The following RPAP1 variants were observed in gnomAD, a reference collection of about 807,000 sequenced individuals.
The protein encoded by RPAP1 is RNA polymerase II-associated protein 1.
Under a neutral mutation model 142.4 loss-of-function variants are expected in RPAP1, and 109 were observed. That is an observed-to-expected ratio of 0.77 (90% CI 0.66 to 0.90). The LOEUF is 0.90. RPAP1 is among the 40% of genes least tolerant of loss of function. The pLI, the probability that RPAP1 is intolerant of heterozygous loss-of-function variation, is 0.00. For synonymous variants in RPAP1, 704 were observed against 738.9 expected, an observed-to-expected ratio of 0.95 and a Z score of 0.77; for missense variants, 1,546 against 1,751.7, an observed-to-expected ratio of 0.88 and a Z score of 2.10.
rs751007382 is a variant in RPAP1, at chr15:41,535,428, G to A, written c.541+84C>T. 3.3e-6 allele frequency: 5 copies of A among 1,497,686 alleles called. No homozygotes were observed. In the East Asian group the frequency reaches 1.2e-4, roughly 35 times the overall value. 92.8% of individuals were successfully genotyped at this position (1,497,686 alleles called of 1,614,324 possible). ...TGGCTCAAATGCACCTCTCATTTGA[G>A]GCAGGAAGACATATCTTCAAAAATG... On this transcript the variant is annotated intron_variant, in intron 5 of 24. Transcript: ENST00000304330.
At chr15:41,521,942 G>A in intron 20 of RPAP1, 62 bp from the exon 21 acceptor site, 1 of 1,587,628 alleles carries the variant, frequency 6.3e-7, no homozygotes, top group Non-Finnish European at 8.6e-7. Context: ...AGAGAGAAGT[G>A]AGGAAGAGGA....
rs1166473885 is a variant in RPAP1 at position 41,536,634 on chromosome 15, G to A, written c.197C>T (p.Pro66Leu). 6.2e-7 allele frequency: 1 copy of A among 1,613,682 alleles called. No homozygotes were observed. The highest frequency in any genetic ancestry group is 1.3e-5 in the African/African-American group (1 of 74,894). The part of the protein sequence containing the change: ...VVMLDNLPDL[P>L]PALVPSPPKR... ...TGGAGGAGAAGGGACCAAAGCTGGG[G>A]GCAAATCTGGGAGATCTGAGAAAGA... Residue 66 changes from proline (P) to leucine (L), a missense_variant, in exon 3 of 25, where the codon CCC becomes CTC. By Grantham distance (98) the Pro-to-Leu change is moderately conservative (BLOSUM62 -3). Transcript: ENST00000304330.
chr15:41,521,597 T>G lies in RPAP1; in HGVS notation c.3038+141A>C, dbSNP rs1378949510. On this transcript the variant is annotated intron_variant, in intron 21 of 24. Transcript: ENST00000304330. ...CCTGATCCTCACTTCACTAATGAGGTAATGGAAGCTCGGAAGAGTTAAGTG... is the reference window on the plus strand; with the variant it reads ...CCTGATCCTCACTTCACTAATGAGGGAATGGAAGCTCGGAAGAGTTAAGTG... 6 of 896,442 alleles carry G rather than the reference T, an allele frequency of 6.7e-6. No homozygotes were observed. The Admixed American group carries it at 1.7e-4, about 25-fold the overall frequency. The allele number at this position is 896,442 out of a possible 1,614,324, so 55.5% of individuals were successfully genotyped here. A position where few individuals can be genotyped will look rare whatever the true frequency, so the allele number is the denominator to read the frequency against.
intron 17 of RPAP1, 134 bp from the exon 18 acceptor site, chr15:41,523,488 G>A (rs2051753394): frequency 9.0e-6 from 6 of 664,772 alleles, no homozygotes; most frequent in Non-Finnish European, 1.6e-5. Flanking sequence ...TGAGCCTTCT[G>A]AAGGGAGAGA....
rs2051893402 is a variant in RPAP1, at chr15:41,534,999, CCTT to C, written c.542-67_542-65del. ...CCAGGGCTCTAACTGGGCTTTTTGG[CCTT>C]CTTCTATAAGGCTATTAGCCCTGGA... On this transcript the variant is annotated intron_variant, in intron 5 of 24. Coordinates refer to ENST00000304330, the MANE Select transcript of RPAP1 (RefSeq NM_015540.4). The C allele has an allele frequency of 1.7e-5, 26 of 1,500,962 alleles. No homozygotes were observed. In the South Asian group the frequency reaches 2.8e-4, roughly 16 times the overall value. The allele number at this position is 1,500,962 out of a possible 1,614,324, so 93.0% of individuals were successfully genotyped here.
rs185801910 is a variant in RPAP1 at position 41,538,667 on chromosome 15, T to G, written c.-76-1466A>C. ...TTGTTATAATGTTAGATTTACAGATTTATATAGATAGTATGAACAGTTTCC... is the reference window on the plus strand; with the variant it reads ...TTGTTATAATGTTAGATTTACAGATGTATATAGATAGTATGAACAGTTTCC... On this transcript the variant is annotated intron_variant, in intron 1 of 24. Coordinates refer to ENST00000304330, the MANE Select transcript of RPAP1 (RefSeq NM_015540.4). Among the ~76,000 whole-genome samples, 123 of 152,334 alleles carry G rather than the reference T, an allele frequency of 8.1e-4. 1 individual carries two copies. Among genetic ancestry groups the G allele is most frequent in the African/African-American group, 2.8e-3 (115 of 41,584 alleles).
chr15:41,535,945 CATG>C (rs1208740479), intron 4 of RPAP1, among the ~76,000 whole-genome samples, 181 bp downstream of exon 4: 5 of 152,174 alleles, frequency 3.3e-5, no homozygotes, highest in Non-Finnish European at 7.3e-5. Flanking sequence ...AAGGTATCAT[CATG>C]ATACCTGCCT....
At position 41,521,025 on chromosome 15, in the gene RPAP1, C is replaced by G. The variant is rs1167449465; in HGVS notation, c.3161G>C (p.Ser1054Thr). 6.2e-7 allele frequency: 1 copy of G among 1,600,384 alleles called. No homozygotes were observed. The highest frequency in any genetic ancestry group is 1.7e-5 in the Admixed American group (1 of 59,166). The change falls in exon 22 of 25, where the codon AGC becomes ACC. Residue 1054 changes from serine to threonine, a missense_variant. By Grantham distance (58) the Ser-to-Thr change is moderately conservative. Coordinates refer to ENST00000304330, the MANE Select transcript of RPAP1 (RefSeq NM_015540.4). ...LLAQACQDLP[S>T]IRNCYLTHCS... ...ATGAGTCAGGTAGCAGTTGCGGATG[C>G]TGGGGAGGTCCTGGCAGGCCTGAGC...
intron 22 of RPAP1, 82 bp downstream of exon 22, chr15:41,520,309 T>C (rs1013114641): frequency 6.6e-7 from 1 of 1,507,242 alleles, no homozygotes; most frequent in Non-Finnish European, 9.1e-7. Context: ...GCTGAGGTCT[T>C]CCAAAGCTCC....
chr15:41,543,413 A>G (rs1327981144), intron 1 of RPAP1, among the ~76,000 whole-genome samples: 1 of 151,760 alleles, frequency 6.6e-6, no homozygotes, highest in African/African-American at 2.4e-5. Flanking sequence ...GGGTTTCACC[A>G]TGTTGGCCAG....
intron 9 of RPAP1, among the ~76,000 whole-genome samples, chr15:41,528,672 C>T (rs184006196): frequency 1.8e-4 from 28 of 152,220 alleles, no homozygotes; most frequent in African/African-American, 6.7e-4. Context: ...GAGTGGAGTC[C>T]TGGAGGGCCC....
intron 1 of RPAP1, among the ~76,000 whole-genome samples, chr15:41,537,825 G>A (rs929941120): frequency 2.0e-5 from 3 of 150,118 alleles, no homozygotes; most frequent in African/African-American, 4.9e-5. Flanking sequence ...GGAGGTTGCT[G>A]TGAGCCGAGA....
In RPAP1 at chr15:41,526,984, G is replaced by C. The variant is rs747561226; in HGVS notation, c.1831C>G (p.Pro611Ala). The change falls in exon 14 of 25, where the codon CCT (proline) becomes GCT (alanine). Residue 611 changes from proline to alanine, a missense_variant. Transcript: ENST00000304330. ...SWSPVGAGPT[P>A]SLYKVPCATA... ...GCACAGGGTACTTTGTATAGACTAG[G>C]GGTAGGCCCTGCCCCCACAGGAGAC... 5 of 1,614,058 alleles carry C rather than the reference G, an allele frequency of 3.1e-6. No homozygotes were observed. Among genetic ancestry groups the C allele is most frequent in the Middle Eastern group, 1.6e-4 (1 of 6,084 alleles).
chr15:41,536,128 C>T lies in RPAP1; in HGVS notation c.420+1G>A. 1 of 1,613,508 alleles carries T rather than the reference C, an allele frequency of 6.2e-7. No homozygotes were observed. Among genetic ancestry groups the T allele is most frequent in the Non-Finnish European group, 8.5e-7 (1 of 1,179,446 alleles). The stretch of plus-strand genomic sequence containing the variant: ...CACCACCTAAGCTTACCCTTGCCTA[C>T]CTGTGTGTCCCGCGAGCGAAGGAAC... On this transcript the variant is annotated splice_donor_variant, in intron 4 of 24. Transcript: ENST00000304330. LOFTEE classifies it high-confidence loss of function.
intron 15 of RPAP1, among the ~76,000 whole-genome samples, chr15:41,524,620 T>C (rs1419966165): frequency 6.6e-6 from 1 of 151,848 alleles, no homozygotes; most frequent in Non-Finnish European, 1.5e-5. Flanking sequence ...GGATTACAGG[T>C]GTGTGCCACC....
Position 41,536,963 on chromosome 15 carries a change from C to T in RPAP1, c.163G>A (p.Asp55Asn). 1 of 1,614,064 alleles carries T rather than the reference C, an allele frequency of 6.2e-7. No homozygotes were observed. Among genetic ancestry groups the T allele is most frequent in the East Asian group, 2.2e-5 (1 of 44,880 alleles). Reference protein sequence around the residue: ...SDRPPLQDHRDVVMLDNLPDL... With the variant: ...SDRPPLQDHRNVVMLDNLPDL... ...AACTCACTGTCCAACATCACCACAT[C>T]CCGATGGTCCTGGAGCGGAGGCCGG... Residue 55 changes from aspartate to asparagine, a missense_variant, in exon 2 of 25, where the codon GAT (aspartate) becomes AAT (asparagine). Asp to Asn is a conservative substitution (Grantham distance 23). Around this residue, in one of 3 missense-constraint regions of RPAP1, gnomAD observed 1,333 missense variants for 1,486.6 expected, o/e 0.90. Transcript: ENST00000304330.
At position 41,517,485 on chromosome 15, in the gene RPAP1, C is replaced by T. The variant is rs2051676862; in HGVS notation, c.*57G>A. On this transcript the variant is annotated 3_prime_UTR_variant, in exon 25 of 25. Coordinates refer to ENST00000304330, the MANE Select transcript of RPAP1 (RefSeq NM_015540.4). ...CAATGTTCTTCGTCTGGCCAGACAT[C>T]TGTTGAAAGGCTGGATACAGGACAA... 7.0e-7 allele frequency: 1 copy of T among 1,435,414 alleles called. No homozygotes were observed. Among genetic ancestry groups the T allele is most frequent in the African/African-American group, 1.4e-5 (1 of 70,178 alleles). The allele number at this position is 1,435,414 out of a possible 1,614,324, so 88.9% of individuals were successfully genotyped here. A position where few individuals can be genotyped will look rare whatever the true frequency, so the allele number is the denominator to read the frequency against.
At chr15:41,531,621 ATATATATTTTTTTTTTTTTTTT>A (rs1273009605) in intron 6 of RPAP1, among the ~76,000 whole-genome samples, 8 of 34,222 alleles carry the variant, frequency 2.3e-4, no homozygotes, top group African/African-American at 8.9e-4. Context: ...ATATATATAT[ATATATATTTTTTTTTTTTTTTT>A]TTTTTTTTTT....
In RPAP1 at chr15:41,535,553, G is replaced by A; in HGVS notation, c.500C>T (p.Pro167Leu). 1 of 1,613,652 alleles carries A rather than the reference G, an allele frequency of 6.2e-7. No individual in the cohort carries two copies. The highest frequency in any genetic ancestry group is 1.7e-4 in the Middle Eastern group (1 of 6,028). Reference protein sequence around the residue: ...AARRIAEAKGPSVGEVVPNVG... With the variant: ...AARRIAEAKGLSVGEVVPNVG... ...GTTGGGCACAACTTCCCCAACTGAT[G>A]GGCCCTTGGCTTCAGCTATCCTCCT... is the stretch of plus-strand genomic sequence containing the variant. Residue 167 changes from proline to leucine, a missense_variant, in exon 5 of 25, where the codon CCA becomes CTA. Physicochemically the swap from Pro to Leu is moderately conservative, Grantham distance 98. Transcript: ENST00000304330.
Sources: allele counts gnomAD v4.1 joint callset (sites outside exome capture counted in the v4.1 genomes callset), GRCh38; gene constraint gnomAD v4.1.1; regional missense constraint gnomAD v4.1.1; transcripts MANE v1.5; gene names NCBI Gene and HGNC (gene_info 2026-07-23, HGNC 2026-07-21).